The following RORA variants were observed in gnomAD, a reference collection of about 807,000 sequenced individuals.
RORA encodes nuclear receptor ROR-alpha.
A neutral mutation model predicts 69.5 loss-of-function variants in RORA; 7 were observed. The ratio of observed to expected loss-of-function variants is 0.10; its 90% CI spans 0.06 to 0.19. The LOEUF is 0.19. Among genes scored for constraint, RORA ranks in the 10% least tolerant of loss-of-function variants. RORA has a pLI of 1.00. For missense variants in RORA, 457 were observed against 663.0 expected (o/e 0.69, Z 3.41); for synonymous variants, 261 against 240.8 (o/e 1.08, Z -0.78).
At chr15:61,093,162 T>C (rs1337439680) in intron 1 of RORA, among the ~76,000 whole-genome samples, 1 of 152,242 alleles carries the variant, frequency 6.6e-6, no homozygotes, top group Non-Finnish European at 1.5e-5. Flanking sequence ...TATTTACTCA[T>C]TTATTCCACA....
chr15:60,638,902 ACTT>A, intron 2 of RORA, among the ~76,000 whole-genome samples: 1 of 152,016 alleles, frequency 6.6e-6, no homozygotes, highest in Non-Finnish European at 1.5e-5. Flanking sequence ...AATGGTCTCT[ACTT>A]TCCCCTTTTC....
chr15:60,497,178 C>A lies in RORA; in HGVS notation c.*277G>T. On this transcript the variant is annotated 3_prime_UTR_variant, in exon 11 of 11. Transcript: ENST00000335670. ...GGAAATCCTCCGACTTTAGTACCCTCCTCCTGTTGTAAACAGAGGTCAATG... is the reference window on the plus strand; with the variant it reads ...GGAAATCCTCCGACTTTAGTACCCTACTCCTGTTGTAAACAGAGGTCAATG... 3.3e-6 allele frequency: 1 copy of A among 301,060 alleles called. No homozygotes were observed. 18.6% of individuals were successfully genotyped at this position (301,060 alleles called of 1,614,324 possible).
chr15:61,162,873 T>C (rs737112), intron 1 of RORA, among the ~76,000 whole-genome samples: 78,483 of 152,038 alleles, frequency 0.52, 21,857 homozygotes, highest in Non-Finnish European at 0.63. Context: ...AAGGCCACTA[T>C]TACTGGGGAA....
At chr15:60,535,412 C>G (rs1229018342) in intron 2 of RORA, among the ~76,000 whole-genome samples, 1 of 152,194 alleles carries the variant, frequency 6.6e-6, no homozygotes, top group Admixed American at 6.5e-5. Context: ...GTAATTCAAG[C>G]AGGCTCTCCA....
At chr15:60,923,108 C>T (rs11632139) in intron 1 of RORA, among the ~76,000 whole-genome samples, 115,807 of 152,174 alleles carry the variant, frequency 0.76, 44,735 homozygotes, top group East Asian at 0.93. Context: ...TCTTTCAGCA[C>T]TGCCCAAAGA....
At chr15:60,569,457 A>AT (rs1767256525) in intron 2 of RORA, among the ~76,000 whole-genome samples, 1 of 152,066 alleles carries the variant, frequency 6.6e-6, no homozygotes, top group Admixed American at 6.5e-5. Context: ...CAAAGGATTC[A>AT]TTTTTACAAA....
intron 3 of RORA, 44 bp from the exon 4 acceptor site, chr15:60,514,801 G>A (rs2065810539): frequency 1.3e-6 from 2 of 1,529,772 alleles, no homozygotes; most frequent in African/African-American, 2.7e-5. Context: ...GTGTCAGAAT[G>A]AGTGGTATGA....
intron 3 of RORA, among the ~76,000 whole-genome samples, chr15:60,522,783 A>G (rs2141397566): frequency 6.6e-6 from 1 of 151,282 alleles, no homozygotes; most frequent in Non-Finnish European, 1.5e-5. Flanking sequence ...AAAAAAAAAA[A>G]AAAAAAGACC....
At chr15:61,157,981 C>G (rs2079459857) in intron 1 of RORA, among the ~76,000 whole-genome samples, 1 of 152,162 alleles carries the variant, frequency 6.6e-6, no homozygotes, top group Non-Finnish European at 1.5e-5. Flanking sequence ...ATCCCAGACC[C>G]TGGAGAGCAT....
At position 60,531,632 on chromosome 15, in the gene RORA, T is replaced by G. The variant is rs2066528870; in HGVS notation, c.282+134A>C. ...TAATTGTAATTTAACACCAAAATAT[T>G]TCTTCTATCCTGTAATTTCTTATCA... is the stretch of plus-strand genomic sequence containing the variant. On this transcript the variant is annotated intron_variant, in intron 3 of 10. Coordinates refer to ENST00000335670, the MANE Select transcript of RORA (RefSeq NM_134261.3). This position sits in a 1 kb window ranked among gnomAD's most constrained non-coding sequence, Gnocchi z 4.8. 1 of 582,852 alleles carries G rather than the reference T, an allele frequency of 1.7e-6. No homozygotes were observed. Among genetic ancestry groups the G allele is most frequent in the Non-Finnish European group, 3.0e-6 (1 of 332,450 alleles). 36.1% of individuals were successfully genotyped at this position (582,852 alleles called of 1,614,324 possible).
At chr15:61,209,836 C>T (rs1302321520) in intron 1 of RORA, among the ~76,000 whole-genome samples, 1 of 152,210 alleles carries the variant, frequency 6.6e-6, no homozygotes, top group Non-Finnish European at 1.5e-5. Context: ...AATATTTAGC[C>T]TCCCTAAATC....
chr15:61,194,016 C>T (rs2079824712), intron 1 of RORA: 1 of 152,194 alleles, frequency 6.6e-6, no homozygotes, highest in Non-Finnish European at 1.5e-5. Flanking sequence ...CTCTAGATGC[C>T]CTTCACTCTC....
intron 1 of RORA, among the ~76,000 whole-genome samples, chr15:60,920,422 A>AT (rs1029086774): frequency 2.3e-4 from 35 of 152,116 alleles, no homozygotes; most frequent in African/African-American, 8.2e-4. Context: ...TGAAGCCCAC[A>AT]TTTTTTCCTA....
intron 1 of RORA, among the ~76,000 whole-genome samples, chr15:60,732,333 G>T (rs2071440113): frequency 6.6e-6 from 1 of 152,196 alleles, no homozygotes; most frequent in African/African-American, 2.4e-5. Flanking sequence ...AGGTGCGGGT[G>T]AGCCAGCACC....
intron 2 of RORA, among the ~76,000 whole-genome samples, chr15:60,588,970 T>C (rs1397580442): frequency 6.6e-6 from 1 of 152,232 alleles, no homozygotes; most frequent in Non-Finnish European, 1.5e-5. Flanking sequence ...CCTCCTCCCA[T>C]GGACAAATGG....
chr15:60,986,131 TTTC>T (rs1429954068), intron 1 of RORA, among the ~76,000 whole-genome samples: 3 of 151,924 alleles, frequency 2.0e-5, no homozygotes, highest in Admixed American at 1.3e-4. Flanking sequence ...AGTCAACTGA[TTTC>T]TTCTTTTTTT....
intron 2 of RORA, among the ~76,000 whole-genome samples, chr15:60,606,521 T>C (rs946824162): frequency 7.9e-5 from 12 of 152,222 alleles, no homozygotes; most frequent in Admixed American, 7.2e-4. Flanking sequence ...CAGTATACTT[T>C]GTAGAAAGTT....
chr15:60,544,418 AG>A (rs1043121315), intron 2 of RORA, among the ~76,000 whole-genome samples: 3 of 105,108 alleles, frequency 2.9e-5, no homozygotes, highest in Admixed American at 1.1e-4. Flanking sequence ...CCAGAATAAA[AG>A]TTCTGGCAGC....
intron 1 of RORA, among the ~76,000 whole-genome samples, chr15:61,025,728 G>C (rs896724594): frequency 4.6e-5 from 7 of 152,232 alleles, no homozygotes; most frequent in Admixed American, 4.6e-4. Context: ...TAAAGAATTA[G>C]TGCAGAAAAA....
Sources: allele counts gnomAD v4.1 joint callset (sites outside exome capture counted in the v4.1 genomes callset), GRCh38; gene constraint gnomAD v4.1.1; non-coding constraint Gnocchi (gnomAD v3.1); transcripts MANE v1.5; gene names NCBI Gene and HGNC (gene_info 2026-07-23, HGNC 2026-07-21).